SLC24A2: variants seen among roughly 807,000 people sequenced by gnomAD.
SLC24A2 encodes sodium/potassium/calcium exchanger 2.
In SLC24A2, 36 loss-of-function variants were observed where a neutral mutation model predicts 62.0. The observed-to-expected ratio is 0.58, with a 90% confidence interval of 0.44 to 0.77. The LOEUF (loss-of-function observed/expected upper bound fraction) is 0.77. Among genes scored for constraint, SLC24A2 ranks in the 30% least tolerant of loss-of-function variants. The probability of loss-of-function intolerance (pLI) is 0.00; values close to 1 mark genes in which losing one functional copy is unlikely to be tolerated. For synonymous variants in SLC24A2, 358 were observed against 294.0 expected (o/e 1.22, Z -2.23); for missense variants, 846 against 817.9 (o/e 1.03, Z -0.42).
intron 8 of SLC24A2, among the ~76,000 whole-genome samples, chr9:19,543,299 T>A (rs1351953881): frequency 6.6e-6 from 1 of 152,166 alleles, no homozygotes; most frequent in Non-Finnish European, 1.5e-5. Flanking sequence ...TTTTATTGCA[T>A]CCATTTGATT....
the SLC24A2 span, among the ~76,000 whole-genome samples, chr9:20,263,948 C>T: frequency 6.7e-6 from 1 of 148,474 alleles, no homozygotes; most frequent in East Asian, 2.0e-4. Context: ...TCCTCTCTTC[C>T]TCAGAAGTTT....
At chr9:19,764,715 C>T (rs1019216773) in intron 2 of SLC24A2, among the ~76,000 whole-genome samples, 16 of 152,040 alleles carry the variant, frequency 1.1e-4, no homozygotes, top group African/African-American at 3.9e-4. Flanking sequence ...GTTTTACTTC[C>T]AATTATGTGG....
At chr9:19,955,376 G>GA in the SLC24A2 span, among the ~76,000 whole-genome samples, 1 of 108,222 alleles carries the variant, frequency 9.2e-6, no homozygotes, top group African/African-American at 3.7e-5. Flanking sequence ...GAAATTCTCA[G>GA]GTTTTTTTTT....
chr9:19,829,579 C>G, the SLC24A2 span, among the ~76,000 whole-genome samples: 1 of 151,340 alleles, frequency 6.6e-6, no homozygotes, highest in Non-Finnish European at 1.5e-5. Flanking sequence ...TAAAAAAAAA[C>G]TATAAGCTGG....
At chr9:20,075,997 C>T in the SLC24A2 span, among the ~76,000 whole-genome samples, 1 of 152,116 alleles carries the variant, frequency 6.6e-6, no homozygotes, top group Non-Finnish European at 1.5e-5. Flanking sequence ...ATAGCTAATA[C>T]AATGCAAATG....
chr9:20,081,355 A>G, the SLC24A2 span, among the ~76,000 whole-genome samples: 1 of 151,862 alleles, frequency 6.6e-6, no homozygotes, highest in Non-Finnish European at 1.5e-5. Flanking sequence ...GGAAACCATC[A>G]TTCTCAGCAA....
intron 2 of SLC24A2, among the ~76,000 whole-genome samples, chr9:19,740,910 A>T (rs1311523011): frequency 1.3e-5 from 2 of 151,670 alleles, no homozygotes; most frequent in Non-Finnish European, 2.9e-5. Context: ...ATTCACAGAG[A>T]CCCACAACAG....
At chr9:19,962,320 T>C in the SLC24A2 span, among the ~76,000 whole-genome samples, 1 of 152,246 alleles carries the variant, frequency 6.6e-6, no homozygotes, top group African/African-American at 2.4e-5. Context: ...TTTGTTCTTT[T>C]AGCTTAGGAT....
At chr9:20,285,168 T>G in the SLC24A2 span, among the ~76,000 whole-genome samples, 2 of 152,216 alleles carry the variant, frequency 1.3e-5, no homozygotes, top group Non-Finnish European at 2.9e-5. Flanking sequence ...TGTTACCGAC[T>G]GAATCATGCT....
intron 4 of SLC24A2, among the ~76,000 whole-genome samples, chr9:19,601,522 T>C (rs935502345): frequency 5.9e-5 from 9 of 152,192 alleles, no homozygotes; most frequent in Admixed American, 5.2e-4. Flanking sequence ...GGTCCACGGC[T>C]CCATTCTGGA....
chr9:19,621,068 G>T (rs902580288), intron 3 of SLC24A2, among the ~76,000 whole-genome samples: 2 of 152,192 alleles, frequency 1.3e-5, no homozygotes, highest in Non-Finnish European at 2.9e-5. Flanking sequence ...TAACACTAAA[G>T]AAATCTGTTT....
the SLC24A2 span, among the ~76,000 whole-genome samples, chr9:20,101,261 G>A: frequency 6.6e-6 from 1 of 152,214 alleles, no homozygotes; most frequent in Non-Finnish European, 1.5e-5. Context: ...GGCAGATGCT[G>A]GAGGAATAGA....
the SLC24A2 span, among the ~76,000 whole-genome samples, chr9:20,282,743 C>T: frequency 1.3e-5 from 2 of 152,142 alleles, no homozygotes; most frequent in Admixed American, 6.5e-5. Flanking sequence ...AATATCCTCA[C>T]GAGTTTATAT....
In SLC24A2 at chr9:19,511,269, G is replaced by A. The variant is rs1281140978; in HGVS notation, c.*4884C>T. The stretch of plus-strand genomic sequence containing the variant: ...ATATTTAAAAAATATGAAGCTCTGA[G>A]ATTAAAAATGAAACGCAAAGACAGA... On this transcript the variant is annotated 3_prime_UTR_variant, in exon 11 of 11. Coordinates refer to ENST00000341998, the MANE Select transcript of SLC24A2 (RefSeq NM_020344.4). 1 of 152,130 alleles carries A rather than the reference G, an allele frequency of 6.6e-6. No homozygotes were observed. The highest frequency in any genetic ancestry group is 1.5e-5 in the Non-Finnish European group (1 of 68,040). The allele number at this position is 152,130 out of a possible 1,614,324, so 9.4% of individuals were successfully genotyped here. A position where few individuals can be genotyped will look rare whatever the true frequency, so the allele number is the denominator to read the frequency against.
chr9:20,181,994 A>T, the SLC24A2 span, among the ~76,000 whole-genome samples: 1 of 152,244 alleles, frequency 6.6e-6, no homozygotes, highest in Non-Finnish European at 1.5e-5. Flanking sequence ...TATCAAAAGA[A>T]GACATTTATG....
chr9:20,125,890 C>G, the SLC24A2 span, among the ~76,000 whole-genome samples: 1 of 152,176 alleles, frequency 6.6e-6, no homozygotes, highest in Non-Finnish European at 1.5e-5. Context: ...TTGCTGTGCT[C>G]TCCCTCTTTC....
At chr9:19,885,411 T>G in the SLC24A2 span, among the ~76,000 whole-genome samples, 1 of 152,332 alleles carries the variant, frequency 6.6e-6, no homozygotes, top group South Asian at 2.1e-4. Context: ...GATGATGCTT[T>G]AATGTATAGA....
the SLC24A2 span, among the ~76,000 whole-genome samples, chr9:20,095,596 CTCT>C: frequency 6.6e-5 from 10 of 152,064 alleles, no homozygotes; most frequent in African/African-American, 2.4e-4. Context: ...GAAACATTGG[CTCT>C]TCTTGGTTGA....
chr9:19,645,701 T>C (rs1206222021), intron 2 of SLC24A2, among the ~76,000 whole-genome samples: 3 of 152,168 alleles, frequency 2.0e-5, no homozygotes, highest in African/African-American at 7.2e-5. Context: ...CCCATGGCTC[T>C]GGATACACCC....
Sources: allele counts gnomAD v4.1 joint callset (sites outside exome capture counted in the v4.1 genomes callset), GRCh38; gene constraint gnomAD v4.1.1; transcripts MANE v1.5; gene names NCBI Gene and HGNC (gene_info 2026-07-23, HGNC 2026-07-21).